The following SHBG variants were observed in gnomAD, a reference collection of about 807,000 sequenced individuals.
SHBG encodes the protein sex hormone-binding globulin.
SHBG carries 37 observed loss-of-function variants against 41.9 expected under a neutral mutation model. The observed-to-expected ratio is 0.88, with a 90% confidence interval of 0.68 to 1.16. The LOEUF (loss-of-function observed/expected upper bound fraction) is 1.16. SHBG is among the 50% of genes most tolerant of loss of function. SHBG has a pLI of 0.00. For synonymous variants in SHBG, 217 were observed against 205.8 expected (o/e 1.05, Z -0.47); for missense variants, 466 against 499.9 (o/e 0.93, Z 0.65).
intron 1 of SHBG, among the ~76,000 whole-genome samples, chr17:7,620,163 C>T (rs1417927486): frequency 6.6e-6 from 1 of 151,526 alleles, no homozygotes; most frequent in Non-Finnish European, 1.5e-5. Context: ...GAAAAAGAGA[C>T]ATCAAGAAGT....
chr17:7,631,415 G>A, intron 4 of SHBG, 54 bp downstream of exon 4: 2 of 1,598,536 alleles, frequency 1.3e-6, no homozygotes, highest in Non-Finnish European at 1.7e-6. Context: ...AGCACTGCTG[G>A]GTGGCTGGCC....
chr17:7,624,407 A>G (rs189615864), upstream of SHBG, among the ~76,000 whole-genome samples: 1 of 151,716 alleles, frequency 6.6e-6, no homozygotes, highest in Admixed American at 6.6e-5. Context: ...CACCACACCC[A>G]GCTAATTTTT....
chr17:7,631,500 G>A, intron 4 of SHBG, 89 bp from the exon 5 acceptor site: 2 of 1,561,052 alleles, frequency 1.3e-6, no homozygotes, highest in Non-Finnish European at 1.8e-6. Flanking sequence ...AATGCTCAGA[G>A]GGGAGTCAAC....
intron 7 of SHBG, 73 bp downstream of exon 7, chr17:7,633,032 G>C (rs188588790): frequency 1.3e-5 from 19 of 1,475,488 alleles, no homozygotes; most frequent in Non-Finnish European, 1.6e-5. Context: ...ACATTTTGAG[G>C]GGAAGGAAAC....
chr17:7,626,988 G>A (rs752683521), upstream of SHBG: 6 of 1,613,908 alleles, frequency 3.7e-6, no homozygotes, highest in South Asian at 4.4e-5. Context: ...TAAATGGTGC[G>A]TCCCTTCCAT....
chr17:7,627,420 G>T (rs758632969), upstream of SHBG: 9 of 1,613,874 alleles, frequency 5.6e-6, no homozygotes, highest in Non-Finnish European at 7.6e-6. This position sits in a 1 kb window ranked among gnomAD's most constrained non-coding sequence, Gnocchi z 4.8. Flanking sequence ...AGCTCCTAAG[G>T]CGTGGGTACG....
upstream of SHBG, chr17:7,627,231 C>T: frequency 3.1e-6 from 5 of 1,613,966 alleles, no homozygotes; most frequent in Non-Finnish European, 4.2e-6. This position sits in a 1 kb window ranked among gnomAD's most constrained non-coding sequence, Gnocchi z 4.8. Context: ...TCAGGGCTGC[C>T]GAGATTGGAG....
chr17:7,624,943 C>CTTT (rs907499817), upstream of SHBG, among the ~76,000 whole-genome samples: 45 of 93,718 alleles, frequency 4.8e-4, no homozygotes, highest in Non-Finnish European at 7.0e-4. Context: ...CAGGCGTGAG[C>CTTT]TTTTTTTTTT....
intron 1 of SHBG, chr17:7,614,885 C>G (rs1455661736): frequency 6.4e-6 from 1 of 155,090 alleles, no homozygotes; most frequent in East Asian, 1.9e-4. Flanking sequence ...CCCCTGCCAC[C>G]GCCGCCTACT....
upstream of SHBG, chr17:7,626,206 A>AT: frequency 5.0e-6 from 2 of 397,590 alleles, no homozygotes; most frequent in Non-Finnish European, 4.5e-6. Flanking sequence ...AAAAAAAAAA[A>AT]GAAATAAAAG....
At chr17:7,620,485 T>A (rs988785795) in intron 1 of SHBG, among the ~76,000 whole-genome samples, 50 of 152,184 alleles carry the variant, frequency 3.3e-4, no homozygotes, top group African/African-American at 1.2e-3. Context: ...TCTGGCTAAT[T>A]TTTGTATTTT....
chr17:7,630,133 C>G, upstream of SHBG: 1 of 1,544,334 alleles, frequency 6.5e-7, no homozygotes. The surrounding 1 kb of genome is among the most constrained non-coding windows in gnomAD (Gnocchi z 4.6). Flanking sequence ...ACACATTCTC[C>G]CAAGAGTTGT....
chr17:7,615,738 G>A (rs2071971557), intron 1 of SHBG, among the ~76,000 whole-genome samples: 1 of 148,040 alleles, frequency 6.8e-6, no homozygotes. Context: ...GGAGGCTGAG[G>A]CAGGAGACTA....
upstream of SHBG, among the ~76,000 whole-genome samples, chr17:7,626,062 T>C (rs1268020690): frequency 6.8e-6 from 1 of 146,126 alleles, no homozygotes; most frequent in African/African-American, 2.5e-5. Flanking sequence ...GGCATGGTGG[T>C]GCGCACCCGT....
At chr17:7,632,594 C>CA (rs969886239) in intron 6 of SHBG, among the ~76,000 whole-genome samples, 158 bp from the exon 7 acceptor site, 8 of 151,618 alleles carry the variant, frequency 5.3e-5, no homozygotes, top group Non-Finnish European at 8.8e-5. Flanking sequence ...AGGGTCAAGC[C>CA]AAAAAAAATT....
chr17:7,629,302 C>A (rs1267370690), upstream of SHBG, among the ~76,000 whole-genome samples: 1 of 149,684 alleles, frequency 6.7e-6, no homozygotes, highest in African/African-American at 2.5e-5. Context: ...CGCTTGAACT[C>A]GAGAGGCAGA....
Position 7,630,203 on chromosome 17 carries a change from C to A in SHBG, c.31C>A (p.Arg11Ser), listed in dbSNP as rs751598746. Residue 11 changes from arginine to serine, a missense_variant, in exon 1 of 8, where the codon CGC becomes AGC. Coordinates refer to ENST00000380450, the MANE Select transcript of SHBG (RefSeq NM_001040.5). This position sits in a 1 kb window ranked among gnomAD's most constrained non-coding sequence, Gnocchi z 4.6. MESRGPLATS[R>S]LLLLLLLLLL... ...GAGCAGAGGCCCACTGGCTACCTCG[C>A]GCCTGCTGCTGTTGCTGCTGTTGCT... is the stretch of plus-strand genomic sequence containing the variant. 1.9e-6 allele frequency: 3 copies of A among 1,613,710 alleles called. No homozygotes were observed. The highest frequency in any genetic ancestry group is 2.5e-6 in the Non-Finnish European group (3 of 1,179,822).
chr17:7,627,910 G>A (rs2072273758), upstream of SHBG: 6 of 595,484 alleles, frequency 1.0e-5, no homozygotes, highest in South Asian at 3.5e-5. The surrounding 1 kb of genome is among the most constrained non-coding windows in gnomAD (Gnocchi z 4.8). Flanking sequence ...CAGCCAATCA[G>A]CTTGGAGAAC....
At chr17:7,627,908 C>G, upstream of SHBG, 1 of 595,324 alleles carries the variant, frequency 1.7e-6, no homozygotes, top group South Asian at 1.8e-5. The surrounding 1 kb of genome is among the most constrained non-coding windows in gnomAD (Gnocchi z 4.8). Flanking sequence ...GTCAGCCAAT[C>G]AGCTTGGAGA....
Sources: gnomAD v4.1 joint callset for allele counts (sites outside exome capture counted in the v4.1 genomes callset) on GRCh38, gnomAD v4.1.1 for gene constraint, Gnocchi (gnomAD v3.1) non-coding constraint, MANE v1.5 for transcripts, NCBI Gene and HGNC (gene_info 2026-07-23, HGNC 2026-07-21) for gene names.